PBX1: variants seen among roughly 807,000 people sequenced by gnomAD.
PBX1 encodes pre-B-cell leukemia transcription factor 1.
A neutral mutation model predicts 53.4 loss-of-function variants in PBX1; 6 were observed. The observed-to-expected ratio is 0.11, with a 90% CI of 0.06 to 0.22. The LOEUF (loss-of-function observed/expected upper bound fraction) is 0.22, where lower values mean the gene tolerates loss of function less well. PBX1 is among the 10% of genes least tolerant of loss of function. PBX1 has a pLI of 1.00. For synonymous variants in PBX1, 204 were observed against 212.3 expected (o/e 0.96, Z 0.34); for missense variants, 251 against 551.4 (o/e 0.46, Z 5.46).
chr1:164,862,385 C>T (rs1195503993), intron 2 of PBX1, among the ~76,000 whole-genome samples: 1 of 152,176 alleles, frequency 6.6e-6, no homozygotes, highest in African/African-American at 2.4e-5. Context: ...CTATTTATCC[C>T]TCTCTTGTAG....
chr1:164,656,529 T>C (rs982846626), intron 2 of PBX1, among the ~76,000 whole-genome samples: 2 of 152,194 alleles, frequency 1.3e-5, no homozygotes, highest in African/African-American at 2.4e-5. Context: ...TCCCTGAAAC[T>C]AAACATATCT....
chr1:164,862,813 G>A (rs987937298), intron 2 of PBX1, among the ~76,000 whole-genome samples: 9 of 152,192 alleles, frequency 5.9e-5, no homozygotes, highest in Admixed American at 5.2e-4. Context: ...GTGAGAGAGG[G>A]AGACCCTGTG....
intron 2 of PBX1, among the ~76,000 whole-genome samples, chr1:164,634,981 T>A (rs542909121): frequency 6.6e-6 from 1 of 151,910 alleles, no homozygotes; most frequent in African/African-American, 2.4e-5. Flanking sequence ...ATGGCAATTG[T>A]GGGCAGGAGT....
chr1:164,856,102 TC>T (rs1671969892), downstream of PBX1, among the ~76,000 whole-genome samples: 1 of 152,208 alleles, frequency 6.6e-6, no homozygotes, highest in African/African-American at 2.4e-5. Context: ...TCTGGGCTTT[TC>T]CTTTGTCTCA....
chr1:164,828,063 G>A (rs1480039607), intron 8 of PBX1, among the ~76,000 whole-genome samples: 1 of 152,122 alleles, frequency 6.6e-6, no homozygotes, highest in Non-Finnish European at 1.5e-5. Flanking sequence ...CAGAAGGGGG[G>A]AATTTAGGAC....
intron 2 of PBX1, among the ~76,000 whole-genome samples, chr1:164,715,898 C>A (rs1227624220): frequency 6.6e-6 from 1 of 152,166 alleles, no homozygotes; most frequent in African/African-American, 2.4e-5. Context: ...TCCTCTCATG[C>A]CTACACTATG....
intron 2 of PBX1, among the ~76,000 whole-genome samples, chr1:164,788,355 C>T (rs141856289): frequency 2.8e-4 from 42 of 151,896 alleles, no homozygotes; most frequent in Middle Eastern, 3.4e-3. Flanking sequence ...TTAGACATAT[C>T]ACCCTTTTCA....
intron 2 of PBX1, among the ~76,000 whole-genome samples, chr1:164,579,039 G>A (rs1654441252): frequency 2.1e-5 from 3 of 140,334 alleles, no homozygotes; most frequent in Non-Finnish European, 1.5e-5. Flanking sequence ...TTTACCACCC[G>A]CTGAATAGGC....
rs1238836294 is a variant in PBX1, at chr1:164,559,792, G to A, written c.-31G>A. The A allele has an allele frequency of 2.0e-6, 3 of 1,517,522 alleles. No individual in the cohort carries two copies. The African/African-American group carries it at 4.2e-5, about 21-fold the overall frequency. 94.0% of individuals were successfully genotyped at this position (1,517,522 alleles called of 1,614,324 possible). On this transcript the variant is annotated 5_prime_UTR_variant, in exon 1 of 9. Transcript: ENST00000420696. The stretch of plus-strand genomic sequence containing the variant: ...GGAGCCGAGCCGAGGAGCAGAAGAG[G>A]AAGAGCCGGGGGCTGCCGTAGCCTT...
At chr1:164,561,677 C>T (rs569149013) in intron 1 of PBX1, among the ~76,000 whole-genome samples, 2 of 152,260 alleles carry the variant, frequency 1.3e-5, no homozygotes, top group East Asian at 3.9e-4. Flanking sequence ...TTCAGTCTCT[C>T]TTCTTTTGTG....
rs187105137 is a variant in PBX1 at position 164,836,564 on chromosome 1, A to G, written c.1201-10020A>G. Reference sequence around the variant, plus strand: ...TTCATCAGTAAATAGAATTTTAAAAACAACAATATCCTCCCATCAGTAAAT... The same window carrying G: ...TTCATCAGTAAATAGAATTTTAAAAGCAACAATATCCTCCCATCAGTAAAT... On this transcript the variant is annotated intron_variant, in intron 8 of 8. Coordinates refer to ENST00000420696, the MANE Select transcript of PBX1 (RefSeq NM_002585.4). Among the ~76,000 whole-genome samples the G allele has an allele frequency of 5.5e-3, 843 of 152,272 alleles. 8 individuals carry two copies. The highest frequency in any genetic ancestry group is 0.019 in the African/African-American group (772 of 41,538).
intron 2 of PBX1, among the ~76,000 whole-genome samples, chr1:164,720,590 A>C (rs1664350575): frequency 6.6e-6 from 1 of 152,210 alleles, no homozygotes; most frequent in South Asian, 2.1e-4. Context: ...ATTTGGAAGA[A>C]GTCATGGAAA....
chr1:164,850,358 G>A lies in PBX1; in HGVS notation c.*3682G>A, dbSNP rs1269294741. 2.5e-5 allele frequency: 5 copies of A among 201,716 alleles called. No homozygotes were observed. The highest frequency in any genetic ancestry group is 2.2e-4 in the East Asian group (3 of 13,340). 12.5% of individuals were successfully genotyped at this position (201,716 alleles called of 1,614,324 possible). A position where few individuals can be genotyped will look rare whatever the true frequency, so the allele number is the denominator to read the frequency against. Reference sequence around the variant, plus strand: ...TGTAAACTAAAAAAAAAAAAAAAAAGGTTGGAATAGTGAGCATAATAGGTA... The same window carrying A: ...TGTAAACTAAAAAAAAAAAAAAAAAAGTTGGAATAGTGAGCATAATAGGTA... On this transcript the variant is annotated 3_prime_UTR_variant, in exon 9 of 9. Coordinates refer to ENST00000420696, the MANE Select transcript of PBX1 (RefSeq NM_002585.4).
intron 2 of PBX1, among the ~76,000 whole-genome samples, chr1:164,857,965 T>C (rs921830577): frequency 1.3e-5 from 2 of 152,144 alleles, no homozygotes; most frequent in Admixed American, 6.6e-5. Context: ...CTCTAACATA[T>C]CTCTCTGGGT....
At chr1:164,738,442 T>C (rs894660325) in intron 2 of PBX1, among the ~76,000 whole-genome samples, 2 of 152,158 alleles carry the variant, frequency 1.3e-5, no homozygotes, top group African/African-American at 4.8e-5. Flanking sequence ...TGTGCCACTA[T>C]ACCTGGCTGA....
At chr1:164,745,790 G>T (rs957977286) in intron 2 of PBX1, among the ~76,000 whole-genome samples, 1 of 152,228 alleles carries the variant, frequency 6.6e-6, no homozygotes, top group Admixed American at 6.5e-5. Context: ...CTTCAGAAAA[G>T]TCTCTTAATT....
intron 2 of PBX1, among the ~76,000 whole-genome samples, chr1:164,877,266 A>C (rs533915612): frequency 2.0e-5 from 3 of 151,946 alleles, no homozygotes; most frequent in Non-Finnish European, 4.4e-5. Flanking sequence ...AAAAAAAAAA[A>C]ACCCAAACCA....
intron 2 of PBX1, among the ~76,000 whole-genome samples, chr1:164,716,266 A>G (rs914504185): frequency 1.3e-5 from 2 of 152,126 alleles, no homozygotes; most frequent in Admixed American, 1.3e-4. Context: ...TCCTTCTGGG[A>G]TCTCAGAACC....
chr1:164,622,434 A>G (rs1222057586), intron 2 of PBX1, among the ~76,000 whole-genome samples: 1 of 152,212 alleles, frequency 6.6e-6, no homozygotes, highest in African/African-American at 2.4e-5. Context: ...CGTAATGACT[A>G]GATGAGTGAG....
Sources: gnomAD v4.1 joint callset for allele counts (sites outside exome capture counted in the v4.1 genomes callset) on GRCh38, gnomAD v4.1.1 for gene constraint, MANE v1.5 for transcripts, NCBI Gene and HGNC (gene_info 2026-07-23, HGNC 2026-07-21) for gene names.